Variants in NRP1 observed in about 807,000 individuals in gnomAD.
NRP1 encodes neuropilin-1.
NRP1 carries 35 observed loss-of-function variants against 106.7 expected under a neutral mutation model. The observed-to-expected ratio is 0.33, with a 90% CI of 0.25 to 0.43. The LOEUF (loss-of-function observed/expected upper bound fraction) is 0.43, where lower values mean the gene tolerates loss of function less well. NRP1 is among the 20% of genes least tolerant of loss of function. The pLI, the probability that NRP1 is intolerant of heterozygous loss-of-function variation, is 1.00. For missense variants in NRP1, 1,024 were observed against 1,170.4 expected, an observed-to-expected ratio of 0.87 and a Z score of 1.83; for synonymous variants, 437 against 417.9, an observed-to-expected ratio of 1.05 and a Z score of -0.56.
At chr10:33,294,211 A>T (rs758446010) in intron 2 of NRP1, among the ~76,000 whole-genome samples, 18 of 152,306 alleles carry the variant, frequency 1.2e-4, no homozygotes, top group Admixed American at 8.5e-4. Flanking sequence ...TTTGGGGATG[A>T]GTTCTTAGAA....
rs2229934 is a variant in NRP1, at chr10:33,221,840, G to A, written c.1161C>T (p.Pro387=). 452,865 of 1,612,688 alleles carry A rather than the reference G, an allele frequency of 0.28. 67,897 individuals carry two copies. The highest frequency in any genetic ancestry group is 0.63 in the East Asian group (28,007 of 44,792). ...KPVLFQGNTN[P]TDVVVAVFPK... The stretch of plus-strand genomic sequence containing the variant: ...GGAATACTGCAACCACAACATCTGT[G>A]GGGTTGGTGTTTCCCTGAAAGAGCT... The change falls in exon 8 of 17, where the codon CCC becomes CCT. Residue 387 remains proline, a synonymous_variant. Coordinates refer to ENST00000374867, the MANE Select transcript of NRP1 (RefSeq NM_003873.7).
intron 2 of NRP1, among the ~76,000 whole-genome samples, chr10:33,302,833 A>G (rs1432146657): frequency 6.6e-6 from 1 of 152,200 alleles, no homozygotes; most frequent in African/African-American, 2.4e-5. Context: ...ACTTCCACCA[A>G]AAAAGTTTAG....
chr10:33,210,761 C>T (rs1234991477), intron 9 of NRP1, among the ~76,000 whole-genome samples: 1 of 152,180 alleles, frequency 6.6e-6, no homozygotes, highest in Non-Finnish European at 1.5e-5. Context: ...GTGGATTTCA[C>T]AAAACAGAGT....
chr10:33,281,338 C>A (rs1844115257), intron 2 of NRP1, among the ~76,000 whole-genome samples: 1 of 151,130 alleles, frequency 6.6e-6, no homozygotes, highest in African/African-American at 2.4e-5. Context: ...GCGTGAGCCA[C>A]CACTCCCAGC....
chr10:33,180,178 TTC>T lies in NRP1; in HGVS notation c.2668_2669del (p.Glu890LysfsTer10), dbSNP rs1835590244. The part of the protein sequence containing the change: ...YCACWHNGMS[E>X]RNLSALENYN... Reference sequence around the variant, plus strand: ...AGTTCTCCAGGGCAGACAAGTTTCTTTCTGACATCCCATTATGCCAACAGGCA... The same window carrying T: ...AGTTCTCCAGGGCAGACAAGTTTCTTTGACATCCCATTATGCCAACAGGCA... On this transcript the variant is annotated frameshift_variant, in exon 17 of 17. Coordinates refer to ENST00000374867, the MANE Select transcript of NRP1 (RefSeq NM_003873.7). LOFTEE classifies it high-confidence loss of function. 6.2e-7 allele frequency: 1 copy of T among 1,614,036 alleles called. No homozygotes were observed. The highest frequency in any genetic ancestry group is 1.3e-5 in the African/African-American group (1 of 74,906).
intron 7 of NRP1, among the ~76,000 whole-genome samples, chr10:33,224,745 G>A (rs1338676675): frequency 6.6e-6 from 1 of 152,016 alleles, no homozygotes; most frequent in African/African-American, 2.4e-5. Flanking sequence ...ACAAGTCCCA[G>A]TGTGTGTTGT....
intron 2 of NRP1, among the ~76,000 whole-genome samples, chr10:33,327,909 A>G (rs1848003117): frequency 1.3e-5 from 2 of 152,172 alleles, no homozygotes; most frequent in African/African-American, 4.8e-5. Context: ...GCAACACTTC[A>G]AAACACAGCA....
At chr10:33,321,263 G>C (rs1388544976) in intron 2 of NRP1, among the ~76,000 whole-genome samples, 1 of 152,140 alleles carries the variant, frequency 6.6e-6, no homozygotes, top group Non-Finnish European at 1.5e-5. Context: ...TGGGATTATA[G>C]GTGAGCCACC....
At chr10:33,285,858 CAAAA>C (rs1844490403) in intron 2 of NRP1, among the ~76,000 whole-genome samples, 1 of 151,706 alleles carries the variant, frequency 6.6e-6, no homozygotes, top group Non-Finnish European at 1.5e-5. Flanking sequence ...CAAAACAAAA[CAAAA>C]CAAACAACAA....
At chr10:33,241,808 T>G (rs1043637214) in intron 6 of NRP1, among the ~76,000 whole-genome samples, 1 of 152,140 alleles carries the variant, frequency 6.6e-6, no homozygotes, top group Admixed American at 6.5e-5. Flanking sequence ...TAGTTTTAGA[T>G]GCAAAGTTAA....
intron 3 of NRP1, among the ~76,000 whole-genome samples, chr10:33,265,389 G>C (rs867273038): frequency 1.4e-4 from 22 of 152,182 alleles, no homozygotes; most frequent in Admixed American, 2.6e-4. Context: ...GACATGCAAG[G>C]ATTCAATTCT....
intron 2 of NRP1, among the ~76,000 whole-genome samples, chr10:33,329,946 C>T (rs1175052275): frequency 1.3e-5 from 2 of 152,134 alleles, no homozygotes; most frequent in Admixed American, 6.5e-5. Context: ...AATATAATTT[C>T]GACTGTCTCT....
At chr10:33,191,427 T>C (rs1354226757) in intron 13 of NRP1, among the ~76,000 whole-genome samples, 1 of 152,200 alleles carries the variant, frequency 6.6e-6, no homozygotes, top group Admixed American at 6.5e-5. Flanking sequence ...CACACCGTCT[T>C]TCCCCACCTC....
chr10:33,192,261 C>T lies in NRP1; in HGVS notation c.2062+20G>A, dbSNP rs762623867. The T allele has an allele frequency of 1.1e-5, 17 of 1,603,096 alleles. No individual in the cohort carries two copies. The highest frequency in any genetic ancestry group is 2.7e-5 in the African/African-American group (2 of 74,480). ...AAGAGAATCTGCAAAGCCATGCAGC[C>T]GAAGTGAACTCTGTGATACCTGTGT... On this transcript the variant is annotated intron_variant, in intron 13 of 16. Transcript: ENST00000374867.
intron 6 of NRP1, chr10:33,249,650 A>C (rs1841704343): frequency 2.7e-6 from 1 of 367,550 alleles, no homozygotes; most frequent in Admixed American, 3.9e-5. Context: ...ATCTGGAAAA[A>C]AAGGCAGGGC....
intron 2 of NRP1, among the ~76,000 whole-genome samples, chr10:33,327,126 A>G (rs1454394073): frequency 6.6e-6 from 1 of 151,016 alleles, no homozygotes; most frequent in African/African-American, 2.5e-5. Context: ...AGTTGACTAT[A>G]CAAATACTGA....
intron 10 of NRP1, 99 bp downstream of exon 10, chr10:33,207,473 A>G: frequency 7.3e-7 from 1 of 1,361,890 alleles, no homozygotes; most frequent in Non-Finnish European, 1.0e-6. Context: ...CTCCCAAGGG[A>G]AAAGGGTAGG....
intron 16 of NRP1, 94 bp from the exon 17 acceptor site, chr10:33,180,459 C>T: frequency 7.9e-7 from 1 of 1,259,528 alleles, no homozygotes; most frequent in Non-Finnish European, 1.1e-6. Context: ...AGGAGCAAAT[C>T]ACACACCCCA....
At chr10:33,323,294 G>A (rs1847652728) in intron 2 of NRP1, among the ~76,000 whole-genome samples, 1 of 151,838 alleles carries the variant, frequency 6.6e-6, no homozygotes, top group African/African-American at 2.4e-5. Context: ...GATTATTTAA[G>A]TTAAAGAAGA....
Sources: gnomAD v4.1 joint callset for allele counts (sites outside exome capture counted in the v4.1 genomes callset) on GRCh38, gnomAD v4.1.1 for gene constraint, MANE v1.5 for transcripts, NCBI Gene and HGNC (gene_info 2026-07-23, HGNC 2026-07-21) for gene names.